Variants in ERC1 observed in about 807,000 individuals in gnomAD.
The protein encoded by ERC1 is RAB6 interacting protein 2.
A neutral mutation model predicts 132.0 loss-of-function variants in ERC1; 56 were observed. The ratio of observed to expected loss-of-function variants is 0.42; its 90% CI spans 0.34 to 0.53. The LOEUF is 0.53. ERC1 is among the 20% of genes least tolerant of loss of function. The pLI is 0.03. For synonymous variants in ERC1, 478 were observed against 476.1 expected, an observed-to-expected ratio of 1.00 and a Z score of -0.05; for missense variants, 1,202 against 1,349.9, an observed-to-expected ratio of 0.89 and a Z score of 1.72.
intron 12 of ERC1, among the ~76,000 whole-genome samples, chr12:1,193,536 T>TTA (rs1244569119): frequency 6.6e-6 from 1 of 151,844 alleles, no homozygotes; most frequent in Non-Finnish European, 1.5e-5. Flanking sequence ...ATACGTATAT[T>TTA]TATATATATT....
rs376372967 is a variant in ERC1 at position 1,094,415 on chromosome 12, C to CTCTTTTTT, written c.1087-10334_1087-10333insCTTTTTTT. 3.5e-3 allele frequency among the ~76,000 whole-genome samples: 479 copies of CTCTTTTTT among 137,890 alleles called. 1 individual carries two copies. Among genetic ancestry groups the CTCTTTTTT allele is most frequent in the Non-Finnish European group, 5.8e-3 (365 of 63,166 alleles). The allele number at this position is 137,890 out of a possible 152,430, so 90.5% of individuals were successfully genotyped here. ...TTTATTTAAGTTATTCCTTCTCTCT[C>CTCTTTTTT]TTTTTTTTTTTTGGCAACAGAGTCT... On this transcript the variant is annotated intron_variant, in intron 3 of 18. Coordinates refer to ENST00000360905, the MANE Select transcript of ERC1 (RefSeq NM_178040.4).
At chr12:1,287,678 C>A (rs2079132187) in intron 14 of ERC1, among the ~76,000 whole-genome samples, 1 of 152,188 alleles carries the variant, frequency 6.6e-6, no homozygotes, top group South Asian at 2.1e-4. Flanking sequence ...GGGTCTGGAG[C>A]CTGCTCGCCT....
At chr12:1,119,117 A>G (rs1946771874) in intron 7 of ERC1, among the ~76,000 whole-genome samples, 1 of 152,148 alleles carries the variant, frequency 6.6e-6, no homozygotes, top group Non-Finnish European at 1.5e-5. Context: ...GAGCTCAAGC[A>G]ATCCTCCTGC....
chr12:1,399,704 T>G (rs974165696), intron 16 of ERC1, among the ~76,000 whole-genome samples: 5 of 152,244 alleles, frequency 3.3e-5, no homozygotes, highest in Admixed American at 3.3e-4. Context: ...CATTGATACT[T>G]GTAGCATGTA....
At chr12:1,076,850 T>C (rs113530635) in intron 2 of ERC1, among the ~76,000 whole-genome samples, 3 of 152,318 alleles carry the variant, frequency 2.0e-5, no homozygotes, top group African/African-American at 7.2e-5. Flanking sequence ...GGTAAAAAGA[T>C]GACATTCCTA....
chr12:1,164,490 C>T (rs138663730), intron 8 of ERC1, among the ~76,000 whole-genome samples: 5,269 of 149,540 alleles, frequency 0.035, 278 homozygotes, highest in African/African-American at 0.12. Context: ...TACAGGCGCC[C>T]GCCACCGCAC....
chr12:1,450,445 G>T (rs183860989), intron 18 of ERC1, among the ~76,000 whole-genome samples: 1 of 152,256 alleles, frequency 6.6e-6, no homozygotes, highest in African/African-American at 2.4e-5. Context: ...AGCAAGGTTC[G>T]TCTGTGTTGC....
chr12:1,083,211 G>A lies in ERC1; in HGVS notation c.717G>A (p.Gln239=), dbSNP rs1942483627. Reference sequence around the variant, plus strand: ...CTCTCCAGGATGAATTGCGGATCCAGAGGGACCTGAATCAGCTGTTTCAGC... The same window carrying A: ...CTCTCCAGGATGAATTGCGGATCCAAAGGGACCTGAATCAGCTGTTTCAGC... The part of the protein sequence containing the change: ...IQALQDELRI[Q]RDLNQLFQQD... The change falls in exon 3 of 19, where the codon CAG becomes CAA. Residue 239 remains glutamine, a synonymous_variant. Coordinates refer to ENST00000360905, the MANE Select transcript of ERC1 (RefSeq NM_178040.4). 6.2e-7 allele frequency: 1 copy of A among 1,614,156 alleles called. No homozygotes were observed. Among genetic ancestry groups the A allele is most frequent in the African/African-American group, 1.3e-5 (1 of 75,048 alleles).
chr12:1,358,961 C>T (rs1237026309), intron 15 of ERC1, among the ~76,000 whole-genome samples: 1 of 152,192 alleles, frequency 6.6e-6, no homozygotes, highest in African/African-American at 2.4e-5. Context: ...CTTACATCGA[C>T]AAAGATAAGA....
At chr12:1,059,323 A>G (rs982500034) in intron 2 of ERC1, among the ~76,000 whole-genome samples, 10 of 152,000 alleles carry the variant, frequency 6.6e-5, no homozygotes, top group Admixed American at 5.2e-4. Flanking sequence ...GATGCCCTTT[A>G]TTTTTTTCTC....
At chr12:1,148,350 C>T (rs1249370434) in intron 8 of ERC1, among the ~76,000 whole-genome samples, 4 of 152,090 alleles carry the variant, frequency 2.6e-5, no homozygotes, top group East Asian at 3.9e-4. Context: ...AAGCAAGGCA[C>T]GTCTTACATG....
At chr12:1,148,584 T>C (rs1950576239) in intron 8 of ERC1, among the ~76,000 whole-genome samples, 1 of 152,056 alleles carries the variant, frequency 6.6e-6, no homozygotes, top group Non-Finnish European at 1.5e-5. Context: ...ATGTTATTAG[T>C]GCTTCTTTTT....
At position 1,083,277 on chromosome 12, in the gene ERC1, G is replaced by A. The variant is rs542698245; in HGVS notation, c.783G>A (p.Glu261=). 3 of 1,614,220 alleles carry A rather than the reference G, an allele frequency of 1.9e-6. No individual in the cohort carries two copies. The African/African-American group carries it at 4.0e-5, about 22-fold the overall frequency. Reference sequence around the variant, plus strand: ...GGACTGGCGAACCTTGTGTAGCAGAGCTGACAGAGGAGAACTTTCAGAGGC... The same window carrying A: ...GGACTGGCGAACCTTGTGTAGCAGAACTGACAGAGGAGAACTTTCAGAGGC... ...SSRTGEPCVA[E]LTEENFQRLH... is the part of the protein sequence containing the mutation. The change falls in exon 3 of 19, where the codon GAG becomes GAA. Residue 261 remains glutamate (E), a synonymous_variant. Transcript: ENST00000360905.
intron 1 of ERC1, among the ~76,000 whole-genome samples, chr12:995,095 CAAAAAAA>C (rs1413419953): frequency 8.2e-6 from 1 of 121,704 alleles, no homozygotes; most frequent in Non-Finnish European, 1.7e-5. Context: ...GACTCTGTCT[CAAAAAAA>C]AAAAAAAAAA....
At position 1,083,572 on chromosome 12, in the gene ERC1, T is replaced by C; in HGVS notation, c.1078T>C (p.Leu360=). Residue 360 remains leucine, a synonymous_variant, in exon 3 of 19, where the codon TTG becomes CTG. Coordinates refer to ENST00000360905, the MANE Select transcript of ERC1 (RefSeq NM_178040.4). ...LEQKEKENSM[L]REEMHRRFEN... is the part of the protein sequence containing the mutation. ...GCAGAAGGAAAAAGAGAACAGTATG[T>C]TGAGAGAGGTATGTGACTACTTTTT... is the stretch of plus-strand genomic sequence containing the variant. 6.3e-7 allele frequency: 1 copy of C among 1,589,248 alleles called. No individual in the cohort carries two copies. The highest frequency in any genetic ancestry group is 8.5e-7 in the Non-Finnish European group (1 of 1,172,564).
chr12:1,194,574 C>A (rs1324020632), intron 12 of ERC1, among the ~76,000 whole-genome samples: 2 of 152,090 alleles, frequency 1.3e-5, no homozygotes, highest in African/African-American at 2.4e-5. Context: ...GGAACATTGT[C>A]CCCTGTGCCG....
chr12:1,239,124 T>A (rs1176598423), intron 13 of ERC1, among the ~76,000 whole-genome samples: 2 of 152,334 alleles, frequency 1.3e-5, no homozygotes, highest in East Asian at 3.9e-4. Context: ...TTTATTTACT[T>A]ATTTGACAGA....
At chr12:1,402,257 AC>A (rs1667779112) in intron 16 of ERC1, among the ~76,000 whole-genome samples, 1 of 152,208 alleles carries the variant, frequency 6.6e-6, no homozygotes, top group Non-Finnish European at 1.5e-5. Context: ...AAGGCTGGGC[AC>A]GGTGGCTCAC....
chr12:1,253,681 A>T (rs749747784), intron 13 of ERC1, among the ~76,000 whole-genome samples: 3 of 151,428 alleles, frequency 2.0e-5, no homozygotes, highest in African/African-American at 4.9e-5. Flanking sequence ...CATCTCAAAG[A>T]AAAAAAAAGG....
Sources: allele counts gnomAD v4.1 joint callset (sites outside exome capture counted in the v4.1 genomes callset), GRCh38; gene constraint gnomAD v4.1.1; transcripts MANE v1.5; gene names NCBI Gene and HGNC (gene_info 2026-07-23, HGNC 2026-07-21).